Variants in ELMOD1 observed in about 807,000 individuals in gnomAD.
ELMOD1 encodes the protein ELMO domain containing 1.
A neutral mutation model predicts 46.7 loss-of-function variants in ELMOD1; 21 were observed. That is an observed-to-expected ratio of 0.45 (90% CI 0.32 to 0.65). The LOEUF is 0.65. Ranked by LOEUF, ELMOD1 falls within the 30% of genes least tolerant of loss-of-function variation. ELMOD1 has a pLI of 0.04. For synonymous variants in ELMOD1, 122 were observed against 138.2 expected (o/e 0.88, Z 0.82); for missense variants, 348 against 407.8 (o/e 0.85, Z 1.26).
intron 2 of ELMOD1, among the ~76,000 whole-genome samples, chr11:107,622,647 C>T (rs1865970150): frequency 1.3e-5 from 2 of 152,200 alleles, no homozygotes; most frequent in South Asian, 4.1e-4. Flanking sequence ...GACTTTCAGA[C>T]AAGTTAGTCA....
At chr11:107,648,653 TAC>T (rs2135707626) in intron 7 of ELMOD1, among the ~76,000 whole-genome samples, 1 of 152,318 alleles carries the variant, frequency 6.6e-6, no homozygotes, top group South Asian at 2.1e-4. Flanking sequence ...CCTTGTAGAG[TAC>T]AGTTATTTGG....
chr11:107,603,697 C>T (rs1865641562), intron 1 of ELMOD1, among the ~76,000 whole-genome samples: 2 of 151,926 alleles, frequency 1.3e-5, no homozygotes, highest in Admixed American at 1.3e-4. Flanking sequence ...GCCAACATGG[C>T]CAAAACCCGT....
Position 107,654,161 on chromosome 11 carries a change from C to T in ELMOD1, c.648-11C>T, listed in dbSNP as rs780749311. 15 of 1,573,536 alleles carry T rather than the reference C, an allele frequency of 9.5e-6. No homozygotes were observed. The East Asian group carries it at 2.8e-4, about 29-fold the overall frequency. On this transcript the variant is annotated splice_polypyrimidine_tract_variant and intron_variant, in intron 9 of 11. Transcript: ENST00000265840. ...AATCTGACTTACTTACTTATTCATT[C>T]ATCCATTCAGCAAATTCAGCAAAGC...
chr11:107,639,732 A>C (rs1354077014), intron 6 of ELMOD1, among the ~76,000 whole-genome samples: 1 of 152,168 alleles, frequency 6.6e-6, no homozygotes, highest in Non-Finnish European at 1.5e-5. Context: ...CAGTCTCCAC[A>C]TCTGTTTCTT....
intron 1 of ELMOD1, among the ~76,000 whole-genome samples, chr11:107,606,459 GA>G (rs1318710438): frequency 6.6e-6 from 1 of 152,176 alleles, no homozygotes; most frequent in African/African-American, 2.4e-5. Flanking sequence ...CTGATTTCTT[GA>G]AAACCATCCA....
intron 4 of ELMOD1, 51 bp from the exon 5 acceptor site, chr11:107,631,529 T>C: frequency 1.7e-6 from 2 of 1,197,710 alleles, no homozygotes; most frequent in South Asian, 3.1e-5. Flanking sequence ...TAGATACTGA[T>C]TAAGCCTCTG....
At chr11:107,634,578 A>T (rs1335681081) in intron 5 of ELMOD1, among the ~76,000 whole-genome samples, 1 of 152,016 alleles carries the variant, frequency 6.6e-6, no homozygotes, top group African/African-American at 2.4e-5. Flanking sequence ...CATCTCTATT[A>T]AAAAATATAA....
intron 1 of ELMOD1, among the ~76,000 whole-genome samples, chr11:107,616,443 A>C (rs544781328): frequency 1.3e-5 from 2 of 152,044 alleles, no homozygotes; most frequent in African/African-American, 2.4e-5. Context: ...GCAGTGGCGC[A>C]TTCTCGGGTC....
At chr11:107,658,922 G>A (rs1326718193) in intron 11 of ELMOD1, among the ~76,000 whole-genome samples, 4 of 152,310 alleles carry the variant, frequency 2.6e-5, no homozygotes, top group South Asian at 2.1e-4. Context: ...GCGACAGAGT[G>A]AGACTGCATC....
At chr11:107,604,671 G>T (rs1403434101) in intron 1 of ELMOD1, among the ~76,000 whole-genome samples, 2 of 152,120 alleles carry the variant, frequency 1.3e-5, no homozygotes, top group African/African-American at 4.8e-5. Context: ...CCATTGAAAA[G>T]AATAAAATAA....
chr11:107,655,289 C>G (rs1356221400), intron 10 of ELMOD1, among the ~76,000 whole-genome samples: 2 of 152,054 alleles, frequency 1.3e-5, no homozygotes, highest in East Asian at 3.9e-4. Flanking sequence ...TGCTGTCTGT[C>G]TTCTTTAGGA....
intron 1 of ELMOD1, among the ~76,000 whole-genome samples, chr11:107,601,292 A>T (rs1458974081): frequency 6.6e-6 from 1 of 151,582 alleles, no homozygotes; most frequent in Admixed American, 6.6e-5. Context: ...TTGATTAAAT[A>T]TTCAACATTT....
At position 107,618,161 on chromosome 11, in the gene ELMOD1, A is replaced by G. The variant is rs1865891730; in HGVS notation, c.-29A>G. The G allele has an allele frequency of 6.4e-7, 1 of 1,564,760 alleles. No individual in the cohort carries two copies. Among genetic ancestry groups the G allele is most frequent in the Non-Finnish European group, 8.7e-7 (1 of 1,153,664 alleles). Reference sequence around the variant, plus strand: ...AAGCAATTACTTGAGGACAGTTCATATAGCATCTGGACAGTCAACACGGGC... The same window carrying G: ...AAGCAATTACTTGAGGACAGTTCATGTAGCATCTGGACAGTCAACACGGGC... On this transcript the variant is annotated 5_prime_UTR_variant, in exon 2 of 12. The change creates a new upstream start codon in the 5' untranslated region. Transcript: ENST00000265840.
At chr11:107,614,129 G>A (rs752178016) in intron 1 of ELMOD1, among the ~76,000 whole-genome samples, 1 of 152,044 alleles carries the variant, frequency 6.6e-6, no homozygotes, top group South Asian at 2.1e-4. Context: ...AACCACTGCC[G>A]CAGTCAATCA....
chr11:107,648,426 A>G (rs375541921), intron 7 of ELMOD1, among the ~76,000 whole-genome samples: 1 of 152,230 alleles, frequency 6.6e-6, no homozygotes, highest in East Asian at 1.9e-4. Context: ...TCAGATTGAC[A>G]TCACAGCGGG....
intron 6 of ELMOD1, among the ~76,000 whole-genome samples, chr11:107,644,726 G>A (rs996795998): frequency 1.3e-5 from 2 of 151,052 alleles, no homozygotes; most frequent in African/African-American, 4.9e-5. Context: ...CGCCCGCCTC[G>A]GCCTCCCAAA....
intron 1 of ELMOD1, among the ~76,000 whole-genome samples, chr11:107,601,420 T>C (rs561103547): frequency 6.9e-6 from 1 of 145,522 alleles, no homozygotes; most frequent in Non-Finnish European, 1.5e-5. Flanking sequence ...TTTTTTCTTT[T>C]TTTTTTTTTT....
Position 107,662,061 on chromosome 11 carries a change from A to G in ELMOD1, c.833-2964A>G, listed in dbSNP as rs547290654. 3.3e-5 allele frequency among the ~76,000 whole-genome samples: 5 copies of G among 152,340 alleles called. No homozygotes were observed. The East Asian group carries it at 5.8e-4, about 18-fold the overall frequency. On this transcript the variant is annotated intron_variant, in intron 11 of 11. Transcript: ENST00000265840. ...TCAGGGCATAAAGCACACTTCAAACACTTGAGTTGGGGAAGGATTGAAGTT... is the reference window on the plus strand; with the variant it reads ...TCAGGGCATAAAGCACACTTCAAACGCTTGAGTTGGGGAAGGATTGAAGTT...
intron 1 of ELMOD1, among the ~76,000 whole-genome samples, chr11:107,595,554 C>T (rs1358041080): frequency 6.6e-6 from 1 of 152,094 alleles, no homozygotes; most frequent in Non-Finnish European, 1.5e-5. Context: ...TGCAGTAATC[C>T]TCAATGACAG....
Sources: gnomAD v4.1 joint callset for allele counts (sites outside exome capture counted in the v4.1 genomes callset) on GRCh38, gnomAD v4.1.1 for gene constraint, MANE v1.5 for transcripts, NCBI Gene and HGNC (gene_info 2026-07-23, HGNC 2026-07-21) for gene names.